ZFHX3: variants seen among roughly 807,000 people sequenced by gnomAD.
ZFHX3 encodes the protein zinc finger homeobox protein 3.
A neutral mutation model predicts 279.1 loss-of-function variants in ZFHX3; 42 were observed. The ratio of observed to expected loss-of-function variants is 0.15; its 90% CI spans 0.12 to 0.19. The LOEUF (loss-of-function observed/expected upper bound fraction) is 0.19, where lower values mean the gene tolerates loss of function less well. ZFHX3 is among the 10% of genes least tolerant of loss of function. The pLI, the probability that ZFHX3 is intolerant of heterozygous loss-of-function variation, is 1.00. For synonymous variants in ZFHX3, 2,293 were observed against 1,957.8 expected, an observed-to-expected ratio of 1.17 and a Z score of -4.52; for missense variants, 4,981 against 4,754.0, an observed-to-expected ratio of 1.05 and a Z score of -1.40.
At chr16:73,794,633 A>G (rs1379177008) in intron 1 of ZFHX3, among the ~76,000 whole-genome samples, 1 of 152,184 alleles carries the variant, frequency 6.6e-6, no homozygotes, top group African/African-American at 2.4e-5. Context: ...GTAAGAGTAG[A>G]CAGTGCAAAC....
chr16:73,382,564 G>C (rs1426652104), intron 3 of ZFHX3, among the ~76,000 whole-genome samples: 8 of 152,142 alleles, frequency 5.3e-5, no homozygotes. Flanking sequence ...GGATTGTGGG[G>C]GGGCAGGAGG....
chr16:73,405,585 G>T (rs1021081457), intron 3 of ZFHX3, among the ~76,000 whole-genome samples: 2 of 133,356 alleles, frequency 1.5e-5, no homozygotes, highest in South Asian at 2.6e-4. Context: ...TAGTTTTTTT[G>T]TTTTTTGTTT....
intron 4 of ZFHX3, among the ~76,000 whole-genome samples, chr16:72,844,723 G>A: frequency 6.6e-6 from 1 of 152,108 alleles, no homozygotes; most frequent in South Asian, 2.1e-4. Context: ...GGCTGGTTGT[G>A]CGGTTTTTGG....
At chr16:73,582,180 A>G (rs978980584) in intron 2 of ZFHX3, among the ~76,000 whole-genome samples, 3 of 152,042 alleles carry the variant, frequency 2.0e-5, no homozygotes, top group Middle Eastern at 3.4e-3. Context: ...TGGAGAAGTC[A>G]GAGTGAGAAA....
At chr16:73,872,423 C>T (rs1567436149) in intron 1 of ZFHX3, among the ~76,000 whole-genome samples, 2 of 151,844 alleles carry the variant, frequency 1.3e-5, no homozygotes, top group Non-Finnish European at 2.9e-5. Context: ...CTAGTAGACA[C>T]GGGGTTTCAC....
At position 72,804,494 on chromosome 16, in the gene ZFHX3, G is replaced by C. The variant is rs80168398; in HGVS notation, c.3865-4365C>G. On this transcript the variant is annotated intron_variant, in intron 7 of 9. Coordinates refer to ENST00000268489, the MANE Select transcript of ZFHX3 (RefSeq NM_006885.4). ...ACAAGCTCCCCAGAAGGAAATCCATGTACTCAAGTGAACTGCCCTTGATCT... is the reference window on the plus strand; with the variant it reads ...ACAAGCTCCCCAGAAGGAAATCCATCTACTCAAGTGAACTGCCCTTGATCT... 2.7e-3 allele frequency among the ~76,000 whole-genome samples: 408 copies of C among 152,274 alleles called. 6 individuals are homozygous for C. Among genetic ancestry groups the C allele is most frequent in the African/African-American group, 9.5e-3 (394 of 41,558 alleles).
intron 1 of ZFHX3, among the ~76,000 whole-genome samples, chr16:72,993,606 G>A (rs1963173030): frequency 6.6e-6 from 1 of 152,028 alleles, no homozygotes; most frequent in East Asian, 1.9e-4. Context: ...GCACAGCAGC[G>A]CCTGTTTCAT....
intron 3 of ZFHX3, among the ~76,000 whole-genome samples, chr16:73,421,809 C>G (rs2143493650): frequency 6.6e-6 from 1 of 152,230 alleles, no homozygotes; most frequent in East Asian, 1.9e-4. Context: ...ATTTGGTTTT[C>G]TCTTCAGGAG....
At chr16:73,041,679 C>T (rs924816885) in intron 1 of ZFHX3, among the ~76,000 whole-genome samples, 2 of 152,132 alleles carry the variant, frequency 1.3e-5, no homozygotes, top group South Asian at 2.1e-4. Flanking sequence ...AACCTCCTGC[C>T]GCACACACTG....
intron 3 of ZFHX3, among the ~76,000 whole-genome samples, chr16:73,438,035 A>G (rs2018025200): frequency 6.6e-6 from 1 of 152,120 alleles, no homozygotes; most frequent in Non-Finnish European, 1.5e-5. Flanking sequence ...GTGTTCTAAT[A>G]GAGTTTGATT....
At chr16:73,577,128 A>G (rs1363884450) in intron 2 of ZFHX3, among the ~76,000 whole-genome samples, 1 of 152,234 alleles carries the variant, frequency 6.6e-6, no homozygotes, top group Admixed American at 6.5e-5. Flanking sequence ...GGTCTCTACC[A>G]GCAAAAACAT....
At chr16:73,016,618 C>T (rs1964111719) in intron 1 of ZFHX3, among the ~76,000 whole-genome samples, 1 of 152,118 alleles carries the variant, frequency 6.6e-6, no homozygotes, top group Non-Finnish European at 1.5e-5. Context: ...AAATAGAATC[C>T]TGTCTTCCTT....
intron 3 of ZFHX3, among the ~76,000 whole-genome samples, chr16:73,319,016 G>A (rs1185640492): frequency 1.3e-5 from 2 of 151,390 alleles, no homozygotes; most frequent in African/African-American, 4.9e-5. Flanking sequence ...CGGCCCACAC[G>A]CAGCCTGGCC....
chr16:73,077,402 G>A (rs574484742), intron 8 of ZFHX3, among the ~76,000 whole-genome samples: 3 of 151,494 alleles, frequency 2.0e-5, no homozygotes, highest in African/African-American at 7.3e-5. Flanking sequence ...AGGACACTGC[G>A]CACTTCCCTG....
chr16:73,791,524 A>G (rs1326673065), intron 1 of ZFHX3, among the ~76,000 whole-genome samples: 2 of 152,098 alleles, frequency 1.3e-5, no homozygotes, highest in African/African-American at 4.8e-5. Context: ...TCCCAGGTTC[A>G]AGTGATTCCC....
At chr16:73,354,426 G>T (rs1045205806) in intron 3 of ZFHX3, among the ~76,000 whole-genome samples, 1 of 152,162 alleles carries the variant, frequency 6.6e-6, no homozygotes, top group Non-Finnish European at 1.5e-5. Flanking sequence ...AGTTTTAAGT[G>T]CCCGAGTAGA....
chr16:72,833,688 TC>T (rs2143743472), intron 4 of ZFHX3, among the ~76,000 whole-genome samples: 1 of 152,108 alleles, frequency 6.6e-6, no homozygotes, highest in Non-Finnish European at 1.5e-5. Context: ...TCATCCCCAC[TC>T]CCCTAGTCCC....
intron 4 of ZFHX3, among the ~76,000 whole-genome samples, chr16:72,835,439 T>G (rs998563749): frequency 6.6e-6 from 1 of 152,206 alleles, no homozygotes; most frequent in Non-Finnish European, 1.5e-5. Context: ...TCAAAAGCCT[T>G]TTGTTAAAAG....
rs572612838 is a variant in ZFHX3, at chr16:73,248,406, G to A, written c.-1104+8641C>T. On this transcript the variant is annotated intron_variant, in intron 5 of 17. Coordinates refer to the ZFHX3 transcript ENST00000641206. ...TGTGTATATGTTCATGTGTGTGTGT[G>A]CACTGTGCATATAATGTGTCTTTGT... is the stretch of plus-strand genomic sequence containing the variant. Among the ~76,000 whole-genome samples, 16 of 151,050 alleles carry A rather than the reference G, an allele frequency of 1.1e-4. 1 individual carries two copies. The South Asian group carries it at 3.4e-3, about 32-fold the overall frequency.
Sources: gnomAD v4.1 joint callset for allele counts (sites outside exome capture counted in the v4.1 genomes callset) on GRCh38, gnomAD v4.1.1 for gene constraint, MANE v1.5 for transcripts, NCBI Gene and HGNC (gene_info 2026-07-23, HGNC 2026-07-21) for gene names.